USP25: variants seen among roughly 807,000 people sequenced by gnomAD.
USP25 encodes the protein ubiquitin carboxyl-terminal hydrolase 25.
Under a neutral mutation model 158.5 loss-of-function variants are expected in USP25, and 85 were observed. The ratio of observed to expected loss-of-function variants is 0.54; its 90% CI spans 0.45 to 0.64. USP25 has a LOEUF of 0.64. USP25 is among the 30% of genes least tolerant of loss of function. The pLI, the probability that USP25 is intolerant of heterozygous loss-of-function variation, is 0.00. For synonymous variants in USP25, 464 were observed against 460.4 expected (o/e 1.01, Z -0.10); for missense variants, 1,242 against 1,327.3 (o/e 0.94, Z 1.00).
intron 1 of USP25, among the ~76,000 whole-genome samples, chr21:15,761,342 A>G (rs1211734083): frequency 1.3e-5 from 2 of 152,190 alleles, no homozygotes; most frequent in Non-Finnish European, 1.5e-5. Context: ...ATGTCAGGCA[A>G]CCATTAGGCG....
At chr21:15,828,455 A>G (rs1487658565) in intron 14 of USP25, among the ~76,000 whole-genome samples, 1 of 152,208 alleles carries the variant, frequency 6.6e-6, no homozygotes, top group Non-Finnish European at 1.5e-5. Flanking sequence ...TTTGGAGACA[A>G]CTGACAGATG....
At position 15,816,555 on chromosome 21, in the gene USP25, C is replaced by T. The variant is rs1046159237; in HGVS notation, c.932-2143C>T. 6.6e-6 allele frequency among the ~76,000 whole-genome samples: 1 copy of T among 152,050 alleles called. No individual in the cohort carries two copies. Among genetic ancestry groups the T allele is most frequent in the Non-Finnish European group, 1.5e-5 (1 of 68,006 alleles). On this transcript the variant is annotated intron_variant, in intron 9 of 25. Coordinates refer to ENST00000400183, the MANE Select transcript of USP25 (RefSeq NM_001283041.3). The surrounding 1 kb of genome is among the most constrained non-coding windows in gnomAD (Gnocchi z 4.0). ...TTCTAAGAAAAGTTGTATTTATAGT[C>T]TCTTTTTGCATATAAAGGTAGCAGA...
intron 3 of USP25, among the ~76,000 whole-genome samples, chr21:15,771,940 G>A (rs1467736083): frequency 1.3e-5 from 2 of 151,988 alleles, no homozygotes; most frequent in African/African-American, 4.8e-5. Context: ...GGTTTAGCCT[G>A]TGTAGATAAG....
chr21:15,734,279 T>C (rs2031267167), intron 1 of USP25, among the ~76,000 whole-genome samples: 1 of 152,192 alleles, frequency 6.6e-6, no homozygotes, highest in Admixed American at 6.5e-5. Flanking sequence ...CAGGGTAAAT[T>C]TCTTACTTAA....
At chr21:15,809,819 C>A (rs1197042453) in intron 8 of USP25, among the ~76,000 whole-genome samples, 1 of 152,010 alleles carries the variant, frequency 6.6e-6, no homozygotes, top group Non-Finnish European at 1.5e-5. Flanking sequence ...TATTATTTAT[C>A]CTGAAAAGCA....
At chr21:15,740,097 A>G (rs1017979322) in intron 1 of USP25, among the ~76,000 whole-genome samples, 2 of 152,188 alleles carry the variant, frequency 1.3e-5, no homozygotes, top group South Asian at 2.1e-4. Flanking sequence ...TCAGTTTCGT[A>G]TAATATGGTT....
intron 22 of USP25, among the ~76,000 whole-genome samples, chr21:15,866,975 T>C (rs1331151119): frequency 6.6e-6 from 1 of 152,138 alleles, no homozygotes; most frequent in Non-Finnish European, 1.5e-5. Flanking sequence ...TCACTTTGAT[T>C]CATCAGATAT....
chr21:15,856,620 C>T (rs1018143412), intron 20 of USP25, among the ~76,000 whole-genome samples: 3 of 152,048 alleles, frequency 2.0e-5, no homozygotes, highest in East Asian at 1.9e-4. Context: ...TACAGGTGCC[C>T]GCTACCACGC....
chr21:15,758,715 T>A (rs982207388), intron 1 of USP25, among the ~76,000 whole-genome samples: 1 of 152,090 alleles, frequency 6.6e-6, no homozygotes, highest in Admixed American at 6.5e-5. Context: ...GGCCTGACAA[T>A]CATGGCAGAA....
intron 6 of USP25, among the ~76,000 whole-genome samples, chr21:15,802,356 AT>A (rs1820504122): frequency 6.6e-6 from 1 of 151,566 alleles, no homozygotes; most frequent in Non-Finnish European, 1.5e-5. Flanking sequence ...GCATTCTGAG[AT>A]TTCTGCCATT....
intron 18 of USP25, among the ~76,000 whole-genome samples, chr21:15,846,156 ATATTTTTT>A (rs2038601026): frequency 1.1e-4 from 2 of 18,550 alleles, no homozygotes; most frequent in Non-Finnish European, 1.7e-4. Context: ...ATATATATAT[ATATTTTTT>A]TTTTTTTTTT....
chr21:15,740,322 C>T (rs1380504542), intron 1 of USP25, among the ~76,000 whole-genome samples: 2 of 152,208 alleles, frequency 1.3e-5, no homozygotes, highest in African/African-American at 4.8e-5. Flanking sequence ...TGTAAATTGA[C>T]TGCAGGGGTC....
At chr21:15,852,041 G>T (rs2038912859) in intron 20 of USP25, among the ~76,000 whole-genome samples, 1 of 152,072 alleles carries the variant, frequency 6.6e-6, no homozygotes. Flanking sequence ...ATGTTATATT[G>T]CAACTCTCAG....
intron 3 of USP25, among the ~76,000 whole-genome samples, chr21:15,775,467 G>A (rs762275366): frequency 1.3e-5 from 2 of 152,112 alleles, no homozygotes; most frequent in Non-Finnish European, 2.9e-5. Context: ...TCAGGGAAGC[G>A]GCTACTTCTG....
At chr21:15,854,706 A>C (rs918183130) in intron 20 of USP25, among the ~76,000 whole-genome samples, 1 of 152,192 alleles carries the variant, frequency 6.6e-6, no homozygotes, top group Non-Finnish European at 1.5e-5. Flanking sequence ...TGGACTTGCT[A>C]AAGTTTAACC....
In USP25 at chr21:15,813,121, A is replaced by G. The variant is rs1386981464; in HGVS notation, c.931+1911A>G. The stretch of plus-strand genomic sequence containing the variant: ...CTGAAGATTGCTGGCAAAAAGTCAC[A>G]GAAATGGGCTAACTGTAGTGGATCA... On this transcript the variant is annotated intron_variant, in intron 9 of 25. Coordinates refer to ENST00000400183, the MANE Select transcript of USP25 (RefSeq NM_001283041.3). Among the ~76,000 whole-genome samples, 7 of 152,050 alleles carry G rather than the reference A, an allele frequency of 4.6e-5. No individual in the cohort carries two copies. In the East Asian group the frequency reaches 1.4e-3, roughly 29 times the overall value.
chr21:15,841,462 T>G (rs150453380), intron 17 of USP25, among the ~76,000 whole-genome samples: 1 of 152,242 alleles, frequency 6.6e-6, no homozygotes, highest in African/African-American at 2.4e-5. Flanking sequence ...TCTTGCCATT[T>G]CTCCACTCTC....
chr21:15,811,699 A>T (rs996121157), intron 9 of USP25, among the ~76,000 whole-genome samples: 16 of 152,230 alleles, frequency 1.1e-4, no homozygotes, highest in African/African-American at 3.6e-4. Context: ...TTGAAAAATC[A>T]GTGAAGAGTG....
At chr21:15,793,250 G>T (rs906014745) in intron 5 of USP25, among the ~76,000 whole-genome samples, 10 of 151,552 alleles carry the variant, frequency 6.6e-5, no homozygotes, top group Admixed American at 2.0e-4. Context: ...AATATTGTTA[G>T]AATAGTTGCT....
Sources: gnomAD v4.1 joint callset for allele counts (sites outside exome capture counted in the v4.1 genomes callset) on GRCh38, gnomAD v4.1.1 for gene constraint, Gnocchi (gnomAD v3.1) non-coding constraint, MANE v1.5 for transcripts, NCBI Gene and HGNC (gene_info 2026-07-23, HGNC 2026-07-21) for gene names.